The following DHX30 variants were observed in gnomAD, a reference collection of about 807,000 sequenced individuals.
DHX30 encodes the protein ATP-dependent RNA helicase DHX30.
DHX30 carries 4 observed loss-of-function variants against 116.9 expected under a neutral mutation model. The ratio of observed to expected loss-of-function variants is 0.03; its 90% confidence interval spans 0.02 to 0.08. The LOEUF is 0.08. Among genes scored for constraint, DHX30 ranks in the 10% least tolerant of loss-of-function variants. The pLI is 1.00. For synonymous variants in DHX30, 697 were observed against 651.7 expected, an observed-to-expected ratio of 1.07 and a Z score of -1.06; for missense variants, 871 against 1,595.1, an observed-to-expected ratio of 0.55 and a Z score of 7.73.
At chr3:47,832,940 CTTTTTTTTTTT>C (rs752858732) in intron 6 of DHX30, among the ~76,000 whole-genome samples, 97 of 118,726 alleles carry the variant, frequency 8.2e-4, no homozygotes, top group Non-Finnish European at 1.5e-3. Context: ...TGCCTGGCCT[CTTTTTTTTTTT>C]TTTTTTTTTT....
At position 47,845,806 on chromosome 3, in the gene DHX30, A is replaced by G. The variant is rs2037579031; in HGVS notation, c.1046A>G (p.Gln349Arg). The G allele has an allele frequency of 1.2e-6, 2 of 1,610,840 alleles. No individual in the cohort carries two copies. The highest frequency in any genetic ancestry group is 1.7e-5 in the Admixed American group (1 of 59,960). The change falls in exon 10 of 22, where the codon CAG becomes CGG. Residue 349 changes from glutamine to arginine, a missense_variant. Around this residue, in one of 13 missense-constraint regions of DHX30, gnomAD observed 175 missense variants for 292.9 expected, o/e 0.60. Transcript: ENST00000445061. ...GETQRRPCTI[Q>R]VPEPILRKIE... ...ACCCAGCGCCGACCATGCACCATCC[A>G]GGTGCCCGAGCCCATCCTCCGCAAG...
intron 4 of DHX30, chr3:47,824,652 T>G: frequency 6.0e-6 from 1 of 167,372 alleles, no homozygotes; most frequent in East Asian, 1.7e-4. Flanking sequence ...GGGCTGCCAA[T>G]TTGCCAGAGG....
chr3:47,818,217 AAGTG>A (rs2106969978), intron 4 of DHX30, 100 bp downstream of exon 4: 2 of 698,210 alleles, frequency 2.9e-6, no homozygotes, highest in East Asian at 2.5e-5. Context: ...GCCCTCCAGA[AAGTG>A]AGTGAGGAAG....
rs766412882 is a variant in DHX30 at position 47,849,338 on chromosome 3, A to C, written c.3076A>C (p.Asn1026His). Residue 1026 changes from asparagine to histidine, a missense_variant, in exon 19 of 22, where the codon AAC becomes CAC. Asn to His is a moderately conservative substitution (Grantham distance 68, BLOSUM62 1). Coordinates refer to ENST00000445061, the MANE Select transcript of DHX30 (RefSeq NM_138615.3). ...CGTGCTGATGGCCGGCCTCTACCCC[A>C]ACCTCATCCAGGTGCTGCCTCTGGG... ...KGVLMAGLYPNLIQVRQGKVT... is the reference protein window; with the variant it reads ...KGVLMAGLYPHLIQVRQGKVT... 3.1e-6 allele frequency: 5 copies of C among 1,612,400 alleles called. No homozygotes were observed. Among genetic ancestry groups the C allele is most frequent in the Non-Finnish European group, 4.2e-6 (5 of 1,179,064 alleles).
intron 6 of DHX30, among the ~76,000 whole-genome samples, chr3:47,832,000 ATTC>A (rs2036881823): frequency 8.5e-6 from 1 of 117,600 alleles, no homozygotes. Flanking sequence ...ATCTTGAACT[ATTC>A]TTAATGAATG....
intron 4 of DHX30, among the ~76,000 whole-genome samples, chr3:47,822,989 G>A (rs2036365277): frequency 6.6e-6 from 1 of 151,138 alleles, no homozygotes; most frequent in Non-Finnish European, 1.5e-5. Context: ...GCTACTTGGG[G>A]GGCTGAGCCA....
At chr3:47,807,032 A>G (rs1420188382) in intron 2 of DHX30, among the ~76,000 whole-genome samples, 1 of 151,436 alleles carries the variant, frequency 6.6e-6, no homozygotes, top group Non-Finnish European at 1.5e-5. Flanking sequence ...ATGGTGAAAC[A>G]CTGTCTCTAC....
At position 47,841,642 on chromosome 3, in the gene DHX30, G is replaced by A; in HGVS notation, c.694G>A (p.Asp232Asn). The A allele has an allele frequency of 6.2e-7, 1 of 1,614,258 alleles. No homozygotes were observed. Residue 232 changes from aspartate to asparagine, a missense_variant, in exon 8 of 22, where the codon GAC becomes AAC. Coordinates refer to ENST00000445061, the MANE Select transcript of DHX30 (RefSeq NM_138615.3). The part of the protein sequence containing the change: ...SRGSSFEMTD[D>N]DSAIRALTQF... ...GGGGAGTTCCTTTGAGATGACAGAT[G>A]ACGACAGTGCCATTAGGGCTCTGAC...
rs187531895 is a variant in DHX30 at position 47,805,573 on chromosome 3, T to G, written c.-28+153T>G. Among the ~76,000 whole-genome samples the G allele has an allele frequency of 3.3e-5, 5 of 152,340 alleles. No individual in the cohort carries two copies. The East Asian group carries it at 9.6e-4, about 29-fold the overall frequency. ...TTTATTTTTGAGACAGAGTCTCGCTTTGTCCCCCAGGCTGGAGTGCAGTGG... is the reference window on the plus strand; with the variant it reads ...TTTATTTTTGAGACAGAGTCTCGCTGTGTCCCCCAGGCTGGAGTGCAGTGG... On this transcript the variant is annotated intron_variant, in intron 2 of 21. Coordinates refer to ENST00000445061, the MANE Select transcript of DHX30 (RefSeq NM_138615.3).
At chr3:47,827,196 A>G (rs1229587678) in intron 4 of DHX30, 151 bp from the exon 5 acceptor site, 12 of 693,852 alleles carry the variant, frequency 1.7e-5, no homozygotes, top group South Asian at 1.1e-4. Context: ...CCCTGAAGTC[A>G]TTCCTCTTTT....
chr3:47,808,956 T>G (rs2035658805), intron 2 of DHX30, among the ~76,000 whole-genome samples: 1 of 152,022 alleles, frequency 6.6e-6, no homozygotes, highest in Non-Finnish European at 1.5e-5. Context: ...TGGTGCGATC[T>G]CGGCTCACTG....
chr3:47,849,146 C>T lies in DHX30; in HGVS notation c.2930-46C>T, dbSNP rs767401071. The T allele has an allele frequency of 1.9e-6, 3 of 1,613,130 alleles. No homozygotes were observed. The African/African-American group carries it at 4.0e-5, about 22-fold the overall frequency. ...CCCACTGAGTTTCTGTCACCTCCAGCCTGTGGCTAGGGGCTGTAGGTCCAC... is the reference window on the plus strand; with the variant it reads ...CCCACTGAGTTTCTGTCACCTCCAGTCTGTGGCTAGGGGCTGTAGGTCCAC... On this transcript the variant is annotated intron_variant, in intron 18 of 21. Coordinates refer to ENST00000445061, the MANE Select transcript of DHX30 (RefSeq NM_138615.3).
At chr3:47,849,420 G>T (rs1559726650) in intron 19 of DHX30, 31 bp from the exon 20 acceptor site, 1 of 1,574,274 alleles carries the variant, frequency 6.4e-7, no homozygotes, top group South Asian at 1.2e-5. Flanking sequence ...TCCTTGCTCA[G>T]CCCCACCCGT....
intron 6 of DHX30, among the ~76,000 whole-genome samples, chr3:47,833,910 G>A (rs887105712): frequency 6.6e-6 from 1 of 152,074 alleles, no homozygotes; most frequent in Non-Finnish European, 1.5e-5. Flanking sequence ...TTATAATACA[G>A]TATTATTAAT....
chr3:47,849,902 A>C lies in DHX30; in HGVS notation c.3367A>C (p.Ser1123Arg). ...CCGGGCCACCATCTCACTGAGCGACAGTGACCTGCTGCGGCTGGAGGGTGA... is the reference window on the plus strand; with the variant it reads ...CCGGGCCACCATCTCACTGAGCGACCGTGACCTGCTGCGGCTGGAGGGTGA... ...GRRATISLSD[S>R]DLLRLEGDSR... is the part of the protein sequence containing the mutation. The change falls in exon 22 of 22, where the codon AGT (serine) becomes CGT (arginine). Residue 1123 changes from serine to arginine, a missense_variant. Coordinates refer to ENST00000445061, the MANE Select transcript of DHX30 (RefSeq NM_138615.3). 1.2e-6 allele frequency: 2 copies of C among 1,613,534 alleles called. No individual in the cohort carries two copies. The highest frequency in any genetic ancestry group is 1.7e-6 in the Non-Finnish European group (2 of 1,179,782).
chr3:47,838,264 G>A (rs530714120), intron 6 of DHX30, among the ~76,000 whole-genome samples: 2 of 152,308 alleles, frequency 1.3e-5, no homozygotes, highest in African/African-American at 4.8e-5. Context: ...ATTCTTAATA[G>A]ACAGACTTTA....
At chr3:47,841,311 CAG>C in intron 7 of DHX30, 133 bp downstream of exon 7, 1 of 1,340,338 alleles carries the variant, frequency 7.5e-7, no homozygotes, top group Non-Finnish European at 1.0e-6. Context: ...CCCCATCACT[CAG>C]TGTGTGTCTG....
At chr3:47,824,730 A>C in intron 4 of DHX30, 1 of 297,578 alleles carries the variant, frequency 3.4e-6, no homozygotes. Context: ...CTTAGATGAC[A>C]TTGAGCTAAG....
chr3:47,840,242 C>T (rs1454885886), intron 6 of DHX30, among the ~76,000 whole-genome samples: 1 of 151,502 alleles, frequency 6.6e-6, no homozygotes, highest in African/African-American at 2.4e-5. Context: ...CATGATCCGC[C>T]CGTCTCGGCC....
Sources: allele counts gnomAD v4.1 joint callset (sites outside exome capture counted in the v4.1 genomes callset), GRCh38; gene constraint gnomAD v4.1.1; regional missense constraint gnomAD v4.1.1; transcripts MANE v1.5; gene names NCBI Gene and HGNC (gene_info 2026-07-23, HGNC 2026-07-21).